Variants in NR2C2 observed in about 807,000 individuals in gnomAD.
The protein encoded by NR2C2 is Nuclear hormone receptor TR4.
A neutral mutation model predicts 62.9 loss-of-function variants in NR2C2; 6 were observed. That is an observed-to-expected ratio of 0.10 (90% CI 0.05 to 0.19). NR2C2 has a LOEUF of 0.19. Among genes scored for constraint, NR2C2 ranks in the 10% least tolerant of loss-of-function variants. The pLI, the probability that NR2C2 is intolerant of heterozygous loss-of-function variation, is 1.00. For synonymous variants in NR2C2, 272 were observed against 273.8 expected, an observed-to-expected ratio of 0.99 and a Z score of 0.07; for missense variants, 479 against 762.7, an observed-to-expected ratio of 0.63 and a Z score of 4.38.
intron 1 of NR2C2, among the ~76,000 whole-genome samples, chr3:14,971,806 T>A (rs1253112996): frequency 2.0e-5 from 3 of 147,520 alleles, no homozygotes; most frequent in Non-Finnish European, 4.5e-5. Context: ...TAAATTTCTT[T>A]TTTCTTTTTT....
At chr3:14,963,828 G>A (rs1482469495) in intron 1 of NR2C2, among the ~76,000 whole-genome samples, 1 of 151,978 alleles carries the variant, frequency 6.6e-6, no homozygotes, top group Non-Finnish European at 1.5e-5. Context: ...GTATACATAT[G>A]CCAGTTTAAA....
At chr3:14,974,312 A>G (rs2040139083) in intron 1 of NR2C2, among the ~76,000 whole-genome samples, 1 of 152,192 alleles carries the variant, frequency 6.6e-6, no homozygotes, top group South Asian at 2.1e-4. Context: ...AAGTTTTGAA[A>G]TTGGGAAGTA....
chr3:15,016,208 G>A lies in NR2C2; in HGVS notation c.330G>A (p.Arg110=). ...ERLLGKTDVQ[R]PQVVEYCVVC... Reference sequence around the variant, plus strand: ...TACTGGGGAAGACGGACGTCCAGCGGCCCCAGGTGGTAGAGTACTGTGTGG... The same window carrying A: ...TACTGGGGAAGACGGACGTCCAGCGACCCCAGGTGGTAGAGTACTGTGTGG... Residue 110 remains arginine, a synonymous_variant, in exon 4 of 14, where the codon CGG becomes CGA. Transcript: ENST00000425241. 2 of 1,614,142 alleles carry A rather than the reference G, an allele frequency of 1.2e-6. No individual in the cohort carries two copies. The highest frequency in any genetic ancestry group is 1.7e-6 in the Non-Finnish European group (2 of 1,179,994).
At chr3:14,949,904 T>C (rs2039297383) in intron 1 of NR2C2, among the ~76,000 whole-genome samples, 1 of 152,214 alleles carries the variant, frequency 6.6e-6, no homozygotes, top group Non-Finnish European at 1.5e-5. Flanking sequence ...AGACATAAAA[T>C]GTTTTAGTGT....
chr3:14,953,285 T>G (rs757986013), intron 1 of NR2C2, among the ~76,000 whole-genome samples: 5 of 152,204 alleles, frequency 3.3e-5, no homozygotes, highest in South Asian at 4.1e-4. Context: ...AACAGTTACC[T>G]CAAAGATTCT....
At position 15,028,806 on chromosome 3, in the gene NR2C2, G is replaced by C. The variant is rs963257513; in HGVS notation, c.932+87G>C. On this transcript the variant is annotated intron_variant, in intron 8 of 13. Coordinates refer to ENST00000425241, the MANE Select transcript of NR2C2 (RefSeq NM_001291694.2). ...GGTGGAAAACAGCATTTTGGTACCT[G>C]TGCTGTATTTAACTAAGGATGATAA... The C allele has an allele frequency of 2.9e-6, 4 of 1,395,528 alleles. No homozygotes were observed. The African/African-American group carries it at 4.3e-5, about 15-fold the overall frequency. The allele number at this position is 1,395,528 out of a possible 1,614,324, so 86.4% of individuals were successfully genotyped here. A position where few individuals can be genotyped will look rare whatever the true frequency, so the allele number is the denominator to read the frequency against.
At position 15,043,025 on chromosome 3, in the gene NR2C2, G is replaced by A; in HGVS notation, c.*17G>A. Reference sequence around the variant, plus strand: ...AGTCTATAGCGCAAACCACACACCTGCCAAGGAGCAACAGAATCCTTCCAG... The same window carrying A: ...AGTCTATAGCGCAAACCACACACCTACCAAGGAGCAACAGAATCCTTCCAG... On this transcript the variant is annotated 3_prime_UTR_variant, in exon 14 of 14. Coordinates refer to ENST00000425241, the MANE Select transcript of NR2C2 (RefSeq NM_001291694.2). The A allele has an allele frequency of 6.2e-7, 1 of 1,608,868 alleles. No individual in the cohort carries two copies. The highest frequency in any genetic ancestry group is 1.7e-4 in the Middle Eastern group (1 of 6,030).
intron 1 of NR2C2, among the ~76,000 whole-genome samples, chr3:14,971,124 T>G (rs140258670): frequency 1.3e-3 from 191 of 152,322 alleles, no homozygotes; most frequent in Middle Eastern, 3.4e-3. Flanking sequence ...ATTTTTTTAT[T>G]TTTTATTTTT....
At chr3:14,996,189 TTTG>T (rs760138624) in intron 1 of NR2C2, among the ~76,000 whole-genome samples, 4 of 152,222 alleles carry the variant, frequency 2.6e-5, no homozygotes, top group South Asian at 2.1e-4. Context: ...TTTTATGTAT[TTTG>T]TTGTTGTTGC....
chr3:15,012,747 G>A (rs1338909823), intron 2 of NR2C2, among the ~76,000 whole-genome samples: 1 of 152,168 alleles, frequency 6.6e-6, no homozygotes, highest in African/African-American at 2.4e-5. Flanking sequence ...GAGGCAGGAC[G>A]GGGATTAGAA....
Position 15,047,713 on chromosome 3 carries a change from A to G in NR2C2, c.*4705A>G, listed in dbSNP as rs1026976472. ...TTCTATCGCCAGTTAAAAATAAACA[A>G]CCTACCAAGTATTATTCTTTAAAAC... On this transcript the variant is annotated 3_prime_UTR_variant, in exon 14 of 14. Transcript: ENST00000425241. 2.0e-5 allele frequency: 3 copies of G among 152,148 alleles called. No individual in the cohort carries two copies. The highest frequency in any genetic ancestry group is 7.2e-5 in the African/African-American group (3 of 41,422). 9.4% of individuals were successfully genotyped at this position (152,148 alleles called of 1,614,324 possible).
At chr3:15,028,449 C>T (rs2041882732) in intron 7 of NR2C2, 137 bp from the exon 8 acceptor site, 4 of 686,996 alleles carry the variant, frequency 5.8e-6, no homozygotes, top group Non-Finnish European at 9.6e-6. Context: ...CTAAAAAGAT[C>T]TTCCTCGTGT....
intron 1 of NR2C2, among the ~76,000 whole-genome samples, chr3:14,993,835 G>A (rs1425099323): frequency 6.6e-6 from 1 of 152,068 alleles, no homozygotes; most frequent in Non-Finnish European, 1.5e-5. Flanking sequence ...TCATATCAAG[G>A]GAATAAATAA....
intron 1 of NR2C2, among the ~76,000 whole-genome samples, chr3:14,980,965 A>C (rs2040349537): frequency 6.6e-6 from 1 of 152,206 alleles, no homozygotes; most frequent in Admixed American, 6.5e-5. Flanking sequence ...TAGTGATACA[A>C]AGCATTAAGG....
intron 1 of NR2C2, among the ~76,000 whole-genome samples, chr3:14,951,204 C>CA (rs1574914230): frequency 6.6e-6 from 1 of 152,192 alleles, no homozygotes. Flanking sequence ...AGAGAAGGAA[C>CA]AAGCCTCCAG....
At chr3:14,965,566 A>G (rs1432945206) in intron 1 of NR2C2, among the ~76,000 whole-genome samples, 1 of 150,554 alleles carries the variant, frequency 6.6e-6, no homozygotes, top group African/African-American at 2.4e-5. Flanking sequence ...GAGACTCAAA[A>G]TAATGAAAGT....
chr3:15,032,667 A>G (rs573343050), intron 10 of NR2C2, among the ~76,000 whole-genome samples, 167 bp downstream of exon 10: 1 of 152,268 alleles, frequency 6.6e-6, no homozygotes, highest in African/African-American at 2.4e-5. Context: ...TAGCAGGATT[A>G]CCAGTTGCCA....
chr3:15,030,248 A>T, intron 8 of NR2C2, 27 bp from the exon 9 acceptor site: 1 of 1,595,268 alleles, frequency 6.3e-7, no homozygotes, highest in Non-Finnish European at 8.5e-7. Context: ...GATTCACAAC[A>T]ATTACATGCT....
At chr3:15,026,251 G>A (rs1405435744) in intron 7 of NR2C2, 1 of 151,982 alleles carries the variant, frequency 6.6e-6, no homozygotes, top group Non-Finnish European at 1.5e-5. Flanking sequence ...TGAACTCCTG[G>A]ACTCAAGCAA....
Sources: gnomAD v4.1 joint callset for allele counts (sites outside exome capture counted in the v4.1 genomes callset) on GRCh38, gnomAD v4.1.1 for gene constraint, MANE v1.5 for transcripts, NCBI Gene and HGNC (gene_info 2026-07-23, HGNC 2026-07-21) for gene names.